Variants in AKAP19 observed in about 807,000 individuals in gnomAD.
The protein encoded by AKAP19 is A-kinase anchoring protein 19.
chr2:189,914,652 T>C, the AKAP19 span, among the ~76,000 whole-genome samples: 1 of 152,106 alleles, frequency 6.6e-6, no homozygotes, highest in Non-Finnish European at 1.5e-5. Context: ...TCAGAGAAGA[T>C]ATTTAAAATG....
chr2:190,006,927 G>A, the AKAP19 span, among the ~76,000 whole-genome samples: 1 of 151,804 alleles, frequency 6.6e-6, no homozygotes, highest in Non-Finnish European at 1.5e-5. Flanking sequence ...GGCTGAGGCA[G>A]GAGAATCGCT....
chr2:190,194,076 T>A, the AKAP19 span, among the ~76,000 whole-genome samples: 1 of 152,224 alleles, frequency 6.6e-6, no homozygotes, highest in Non-Finnish European at 1.5e-5. Flanking sequence ...TCCAAATATA[T>A]GAGGCTTTTC....
the AKAP19 span, among the ~76,000 whole-genome samples, chr2:189,946,281 T>C: frequency 6.6e-5 from 10 of 152,222 alleles, no homozygotes; most frequent in Admixed American, 5.9e-4. Context: ...TCTGATCTTA[T>C]ATGAATCTAT....
the AKAP19 span, chr2:190,055,588 C>T: frequency 1.1e-4 from 16 of 152,260 alleles, no homozygotes; most frequent in Admixed American, 3.3e-4. Flanking sequence ...TCCTGAGAAC[C>T]GGAGTAGCAG....
the AKAP19 span, chr2:190,057,454 C>T: frequency 6.2e-7 from 1 of 1,613,544 alleles, no homozygotes; most frequent in Non-Finnish European, 8.5e-7. Context: ...TTCACACTCT[C>T]CAGAGCAGTA....
At chr2:190,175,960 G>A in the AKAP19 span, among the ~76,000 whole-genome samples, 1 of 152,172 alleles carries the variant, frequency 6.6e-6, no homozygotes, top group Admixed American at 6.5e-5. Flanking sequence ...GTGGCATTTA[G>A]CTAGGGTTCC....
the AKAP19 span, among the ~76,000 whole-genome samples, chr2:189,948,548 T>C: frequency 2.6e-5 from 4 of 152,218 alleles, no homozygotes; most frequent in African/African-American, 9.6e-5. Context: ...AGGCTCTATT[T>C]TTTAACAATG....
the AKAP19 span, among the ~76,000 whole-genome samples, chr2:190,001,315 C>T: frequency 8.6e-5 from 13 of 152,028 alleles, no homozygotes; most frequent in African/African-American, 2.9e-4. Context: ...AATACAGTAT[C>T]GGGAGTACCA....
the AKAP19 span, among the ~76,000 whole-genome samples, chr2:189,955,838 A>G: frequency 6.6e-6 from 1 of 152,206 alleles, no homozygotes; most frequent in South Asian, 2.1e-4. Flanking sequence ...TTGCTAAGTC[A>G]TCTCACTCAG....
At chr2:189,931,391 G>T in the AKAP19 span, among the ~76,000 whole-genome samples, 2 of 151,918 alleles carry the variant, frequency 1.3e-5, no homozygotes, top group African/African-American at 4.8e-5. Context: ...AGACAGAGTC[G>T]CACTCTGTCA....
chr2:189,980,785 T>C, the AKAP19 span, among the ~76,000 whole-genome samples: 1 of 152,214 alleles, frequency 6.6e-6, no homozygotes, highest in African/African-American at 2.4e-5. Flanking sequence ...TTACCCAAAA[T>C]TTATTCAGGT....
At chr2:190,090,124 A>T in the AKAP19 span, among the ~76,000 whole-genome samples, 1 of 151,878 alleles carries the variant, frequency 6.6e-6, no homozygotes, top group South Asian at 2.1e-4. Flanking sequence ...TTTGGGAGAG[A>T]CTGATATTAC....
the AKAP19 span, among the ~76,000 whole-genome samples, chr2:190,037,886 C>T: frequency 6.6e-6 from 1 of 152,118 alleles, no homozygotes; most frequent in African/African-American, 2.4e-5. Context: ...ATCAAAGTTA[C>T]GTGTTTTTAC....
At chr2:189,946,344 T>C in the AKAP19 span, among the ~76,000 whole-genome samples, 1 of 152,220 alleles carries the variant, frequency 6.6e-6, no homozygotes, top group African/African-American at 2.4e-5. Context: ...GGGAGCAGGC[T>C]CATGCCTATA....
chr2:189,978,763 G>A, the AKAP19 span, among the ~76,000 whole-genome samples: 1 of 151,968 alleles, frequency 6.6e-6, no homozygotes, highest in Non-Finnish European at 1.5e-5. Flanking sequence ...GGTATTCCAT[G>A]GTGTAGGATT....
the AKAP19 span, among the ~76,000 whole-genome samples, chr2:190,154,629 T>C: frequency 3.3e-5 from 5 of 152,368 alleles, no homozygotes; most frequent in South Asian, 1.0e-3. Flanking sequence ...TGCATTGTCT[T>C]AGAAGTGTCT....
chr2:189,893,519 C>G, the AKAP19 span, among the ~76,000 whole-genome samples: 2 of 152,230 alleles, frequency 1.3e-5, no homozygotes. Context: ...ATGCCCTACT[C>G]TGCTTCAGCT....
the AKAP19 span, among the ~76,000 whole-genome samples, chr2:190,049,935 A>G: frequency 6.6e-6 from 1 of 152,240 alleles, no homozygotes; most frequent in Non-Finnish European, 1.5e-5. Context: ...TTCCAACCTT[A>G]AAAATAATAA....
chr2:190,023,882 T>C, the AKAP19 span, among the ~76,000 whole-genome samples: 1 of 151,234 alleles, frequency 6.6e-6, no homozygotes, highest in Non-Finnish European at 1.5e-5. Flanking sequence ...TTAGTTACAT[T>C]GTAACATTTT....
Sources: gnomAD v4.1 joint callset for allele counts (sites outside exome capture counted in the v4.1 genomes callset) on GRCh38, gnomAD v4.1.1 for gene constraint, MANE v1.5 for transcripts, NCBI Gene and HGNC (gene_info 2026-07-23, HGNC 2026-07-21) for gene names.